Variants in MANSC4 observed in about 807,000 individuals in gnomAD.
MANSC4 encodes MANSC domain containing 4, also known as MANSC domain-containing protein 4.
Under a neutral mutation model 11.4 loss-of-function variants are expected in MANSC4, and 11 were observed. That is an observed-to-expected ratio of 0.97 (90% CI 0.61 to 1.60). The LOEUF (loss-of-function observed/expected upper bound fraction) is 1.60. Among genes scored for constraint, MANSC4 ranks in the 40% most tolerant of loss-of-function variants. The pLI, the probability that MANSC4 is intolerant of heterozygous loss-of-function variation, is 0.00. For missense variants in MANSC4, 354 were observed against 404.6 expected (o/e 0.88, Z 1.07); for synonymous variants, 123 against 147.1 (o/e 0.84, Z 1.19).
At chr12:27,767,919 C>T (rs753476315) in intron 2 of MANSC4, among the ~76,000 whole-genome samples, 9 of 152,192 alleles carry the variant, frequency 5.9e-5, no homozygotes, top group South Asian at 2.1e-4. Context: ...TGAGCATCAC[C>T]TTGCCTAGAC....
At chr12:27,779,632 T>G (rs2062134854) in intron 1 of MANSC4, among the ~76,000 whole-genome samples, 1 of 152,220 alleles carries the variant, frequency 6.6e-6, no homozygotes, top group Non-Finnish European at 1.5e-5. Context: ...TGACACTCGA[T>G]GCCGGACTGG....
chr12:27,778,283 C>T (rs996065466), intron 1 of MANSC4, among the ~76,000 whole-genome samples: 3 of 151,498 alleles, frequency 2.0e-5, no homozygotes, highest in Non-Finnish European at 4.4e-5. Context: ...ACCTCCTTTC[C>T]CAAGTAATAA....
intron 2 of MANSC4, 131 bp downstream of exon 2, chr12:27,770,917 C>T: frequency 1.5e-6 from 1 of 659,590 alleles, no homozygotes. Context: ...CTCCCTCTCT[C>T]TCCCACACCC....
At chr12:27,766,226 C>T (rs2140797860) in intron 3 of MANSC4, among the ~76,000 whole-genome samples, 1 of 152,250 alleles carries the variant, frequency 6.6e-6, no homozygotes, top group Non-Finnish European at 1.5e-5. Context: ...CGCCACCACG[C>T]ACAGCTAATT....
At chr12:27,763,485 C>T (rs2140795275) in intron 3 of MANSC4, 89 bp from the exon 4 acceptor site, 2 of 1,244,808 alleles carry the variant, frequency 1.6e-6, no homozygotes, top group Non-Finnish European at 2.2e-6. Context: ...TTGGCTTTTG[C>T]CGCTATGAGT....
At chr12:27,768,410 AAAAAAAAAAAAAGAAAAAG>A in intron 2 of MANSC4, among the ~76,000 whole-genome samples, 1 of 143,590 alleles carries the variant, frequency 7.0e-6, no homozygotes. Context: ...CTCAAAAAAA[AAAAAAAAAAAAAGAAAAAG>A]AAAAAGAAAA....
At chr12:27,773,038 A>G (rs1459063999) in intron 1 of MANSC4, among the ~76,000 whole-genome samples, 3 of 152,226 alleles carry the variant, frequency 2.0e-5, no homozygotes, top group African/African-American at 7.2e-5. Flanking sequence ...TCAAAGTTTC[A>G]TTTTAAAGGA....
At chr12:27,770,974 T>A (rs999526391) in intron 2 of MANSC4, 74 bp downstream of exon 2, 7 of 1,156,754 alleles carry the variant, frequency 6.1e-6, no homozygotes, top group South Asian at 1.6e-5. Flanking sequence ...GGCCTCTGCC[T>A]AAGGCTCCTC....
At chr12:27,778,373 A>T (rs765192378) in intron 1 of MANSC4, among the ~76,000 whole-genome samples, 1 of 152,150 alleles carries the variant, frequency 6.6e-6, no homozygotes, top group Non-Finnish European at 1.5e-5. Flanking sequence ...AAATGTAACC[A>T]AACTATGTTG....
Position 27,774,166 on chromosome 12 carries a change from A to AC in MANSC4, c.-306-2585_-306-2584insG, listed in dbSNP as rs201539569. On this transcript the variant is annotated intron_variant, in intron 1 of 3. Coordinates refer to ENST00000381273, the MANE Select transcript of MANSC4 (RefSeq NM_001146221.5). ...CTGTCTCAAAAAAACCAAAAAACAA[A>AC]ACAAAAAAAAAACCCCAGAAATAAA... Among the ~76,000 whole-genome samples the AC allele has an allele frequency of 1.9e-4, 29 of 152,022 alleles. 1 individual carries two copies. The highest frequency in any genetic ancestry group is 6.8e-4 in the African/African-American group (28 of 41,350).
chr12:27,774,963 G>T (rs977468576), intron 1 of MANSC4, among the ~76,000 whole-genome samples: 8 of 152,124 alleles, frequency 5.3e-5, no homozygotes, highest in Non-Finnish European at 1.2e-4. Context: ...GGCGGAGCTT[G>T]CAGTGAGCTG....
chr12:27,763,577 C>G (rs1242814774), intron 3 of MANSC4, among the ~76,000 whole-genome samples, 181 bp from the exon 4 acceptor site: 1 of 151,928 alleles, frequency 6.6e-6, no homozygotes. Flanking sequence ...TTGAATTTAT[C>G]TTAACTTTCT....
chr12:27,766,668 C>T lies in MANSC4; in HGVS notation c.361G>A (p.Asp121Asn). Residue 121 changes from aspartate to asparagine, a missense_variant, in exon 3 of 4, where the codon GAC becomes AAC. By Grantham distance (23) the Asp-to-Asn change is conservative (BLOSUM62 1). Coordinates refer to ENST00000381273, the MANE Select transcript of MANSC4 (RefSeq NM_001146221.5). ...TCTTGAAATATGTAATCATTACCGTCTGTTATGTTGTACAAAATGGCACTG... is the reference window on the plus strand; with the variant it reads ...TCTTGAAATATGTAATCATTACCGTTTGTTATGTTGTACAAAATGGCACTG... ...GTSAILYNIT[D>N]GIDPDLLVFE... is the part of the protein sequence containing the mutation. The T allele has an allele frequency of 1.3e-6, 2 of 1,550,710 alleles. No homozygotes were observed. The highest frequency in any genetic ancestry group is 8.7e-7 in the Non-Finnish European group (1 of 1,146,764).
intron 1 of MANSC4, chr12:27,779,892 G>T (rs981645622): frequency 1.3e-5 from 2 of 151,388 alleles, no homozygotes; most frequent in African/African-American, 4.8e-5. Flanking sequence ...GCAGCTGCGC[G>T]TCCGCAGCCG....
At chr12:27,778,539 A>G (rs2062128441) in intron 1 of MANSC4, among the ~76,000 whole-genome samples, 1 of 152,076 alleles carries the variant, frequency 6.6e-6, no homozygotes, top group African/African-American at 2.4e-5. Flanking sequence ...TCTGTCATTC[A>G]AGAAGAAAGC....
intron 1 of MANSC4, among the ~76,000 whole-genome samples, chr12:27,776,227 T>C (rs2062119494): frequency 6.6e-6 from 1 of 152,026 alleles, no homozygotes. Flanking sequence ...CTGTAAAATA[T>C]AAAAACAGTA....
At chr12:27,778,608 GTTT>G (rs2062129004) in intron 1 of MANSC4, among the ~76,000 whole-genome samples, 21 of 151,776 alleles carry the variant, frequency 1.4e-4, no homozygotes, top group Admixed American at 1.3e-4. Flanking sequence ...GTTAAGGACT[GTTT>G]ATCATAGGTG....
At position 27,771,313 on chromosome 12, in the gene MANSC4, A is replaced by G; in HGVS notation, c.-37T>C. On this transcript the variant is annotated 5_prime_UTR_variant, in exon 2 of 4. Transcript: ENST00000381273. The stretch of plus-strand genomic sequence containing the variant: ...GAAGGAAGACTCGAAGATAAGTCTG[A>G]TTTCCAGACAGAAGCTGAACACTGG... 6.6e-7 allele frequency: 1 copy of G among 1,519,518 alleles called. No individual in the cohort carries two copies. Among genetic ancestry groups the G allele is most frequent in the Non-Finnish European group, 8.9e-7 (1 of 1,123,638 alleles). The allele number at this position is 1,519,518 out of a possible 1,614,324, so 94.1% of individuals were successfully genotyped here.
At chr12:27,774,141 C>G (rs1487744370) in intron 1 of MANSC4, among the ~76,000 whole-genome samples, 1 of 151,738 alleles carries the variant, frequency 6.6e-6, no homozygotes, top group African/African-American at 2.4e-5. Context: ...CAGCAAGGCT[C>G]TGTCTCAAAA....
Sources: gnomAD v4.1 joint callset for allele counts (sites outside exome capture counted in the v4.1 genomes callset) on GRCh38, gnomAD v4.1.1 for gene constraint, MANE v1.5 for transcripts, NCBI Gene and HGNC (gene_info 2026-07-23, HGNC 2026-07-21) for gene names.